ABTB2: variants seen among roughly 807,000 people sequenced by gnomAD.
ABTB2 encodes ankyrin repeat and BTB/POZ domain-containing protein 2.
Under a neutral mutation model 104.1 loss-of-function variants are expected in ABTB2, and 56 were observed. The ratio of observed to expected loss-of-function variants is 0.54; its 90% CI spans 0.43 to 0.67. The LOEUF (loss-of-function observed/expected upper bound fraction) is 0.67. ABTB2 is among the 30% of genes least tolerant of loss of function. ABTB2 has a pLI of 0.00. For synonymous variants in ABTB2, 606 were observed against 608.2 expected, an observed-to-expected ratio of 1.00 and a Z score of 0.05; for missense variants, 1,279 against 1,407.7, an observed-to-expected ratio of 0.91 and a Z score of 1.46.
chr11:34,337,433 C>T (rs1474400859), intron 1 of ABTB2, among the ~76,000 whole-genome samples: 3 of 152,240 alleles, frequency 2.0e-5, no homozygotes, highest in Non-Finnish European at 2.9e-5. Context: ...AAAGATGGCA[C>T]AAGCAGCTTT....
In ABTB2 at chr11:34,154,220, A is replaced by G; in HGVS notation, c.2880+45T>C. On this transcript the variant is annotated intron_variant, in intron 16 of 16. Coordinates refer to ENST00000435224, the MANE Select transcript of ABTB2 (RefSeq NM_145804.3). This position sits in a 1 kb window ranked among gnomAD's most constrained non-coding sequence, Gnocchi z 4.9. ...CACACGGCCGAGGCCCCCGTGGAGC[A>G]GAGCATGTGGTGGGAGGTGGCCAGC... 1.4e-6 allele frequency: 2 copies of G among 1,478,776 alleles called. No homozygotes were observed. The highest frequency in any genetic ancestry group is 4.5e-5 in the East Asian group (2 of 43,960). The allele number at this position is 1,478,776 out of a possible 1,614,324, so 91.6% of individuals were successfully genotyped here.
At chr11:34,304,068 T>C (rs1429306840) in intron 1 of ABTB2, among the ~76,000 whole-genome samples, 1 of 152,146 alleles carries the variant, frequency 6.6e-6, no homozygotes, top group African/African-American at 2.4e-5. Context: ...CTGAGTAGCA[T>C]GATGAAATAT....
chr11:34,161,076 G>A lies in ABTB2; in HGVS notation c.2224C>T (p.Pro742Ser), dbSNP rs746060353. 1 of 1,606,302 alleles carries A rather than the reference G, an allele frequency of 6.2e-7. No individual in the cohort carries two copies. Among genetic ancestry groups the A allele is most frequent in the South Asian group, 1.1e-5 (1 of 90,348 alleles). Reference sequence around the variant, plus strand: ...TCGATCCAGATGTGCAGCTTCCAGGGGACTCCTGGTCCAGGCAGGGAAGGG... The same window carrying A: ...TCGATCCAGATGTGCAGCTTCCAGGAGACTCCTGGTCCAGGCAGGGAAGGG... ...ITMELRALGV[P>S]WKLHIWIESL... The change falls in exon 11 of 17, where the codon CCC (proline) becomes TCC (serine). Residue 742 changes from proline (P) to serine (S), a missense_variant. By Grantham distance (74) the Pro-to-Ser change is moderately conservative. Transcript: ENST00000435224.
intron 1 of ABTB2, among the ~76,000 whole-genome samples, chr11:34,284,159 C>A (rs1353168674): frequency 6.6e-6 from 1 of 152,196 alleles, no homozygotes; most frequent in Non-Finnish European, 1.5e-5. Flanking sequence ...GCTGTAAGGC[C>A]CAATCCATGT....
chr11:34,348,388 G>C (rs940171220), intron 1 of ABTB2, among the ~76,000 whole-genome samples: 13 of 152,170 alleles, frequency 8.5e-5, no homozygotes, highest in African/African-American at 3.1e-4. Context: ...TTTTTCCTGT[G>C]TTATCTCCAC....
chr11:34,287,506 A>T (rs1854519591), intron 1 of ABTB2, among the ~76,000 whole-genome samples: 1 of 152,216 alleles, frequency 6.6e-6, no homozygotes, highest in Admixed American at 6.5e-5. Context: ...CTAAGAGCAC[A>T]CCAGCCTGGG....
intron 1 of ABTB2, among the ~76,000 whole-genome samples, chr11:34,267,547 T>G (rs910555266): frequency 1.3e-5 from 2 of 152,226 alleles, no homozygotes; most frequent in Non-Finnish European, 2.9e-5. Context: ...AAAAAAATCC[T>G]AGACTTTGAA....
intron 1 of ABTB2, among the ~76,000 whole-genome samples, chr11:34,212,356 C>A (rs1257854378): frequency 6.6e-6 from 1 of 152,148 alleles, no homozygotes; most frequent in Non-Finnish European, 1.5e-5. Flanking sequence ...TGCACCTGGC[C>A]AGAGAAGCAG....
intron 1 of ABTB2, among the ~76,000 whole-genome samples, chr11:34,280,230 G>T (rs1001871601): frequency 6.6e-6 from 1 of 152,120 alleles, no homozygotes; most frequent in African/African-American, 2.4e-5. Context: ...ATGGGACCTA[G>T]CGTGTGCAGG....
intron 1 of ABTB2, among the ~76,000 whole-genome samples, chr11:34,211,902 CAAAAAAAAAAA>C (rs1231324201): frequency 1.7e-5 from 1 of 58,036 alleles, no homozygotes; most frequent in Non-Finnish European, 3.5e-5. Context: ...GACCCTGTCT[CAAAAAAAAAAA>C]AAAAAAAAAA....
chr11:34,270,645 G>A (rs1854303273), intron 1 of ABTB2, among the ~76,000 whole-genome samples: 2 of 152,094 alleles, frequency 1.3e-5, no homozygotes, highest in Non-Finnish European at 2.9e-5. Context: ...CAGCCTGAGG[G>A]CTTTCCTTCC....
intron 1 of ABTB2, among the ~76,000 whole-genome samples, chr11:34,308,618 C>T (rs1854807118): frequency 6.6e-6 from 1 of 151,908 alleles, no homozygotes; most frequent in African/African-American, 2.4e-5. Flanking sequence ...ACCTGTAATC[C>T]CAGTACTTTG....
At chr11:34,197,685 C>G (rs754061040) in intron 2 of ABTB2, 147 bp from the exon 3 acceptor site, 2 of 622,790 alleles carry the variant, frequency 3.2e-6, no homozygotes, top group Non-Finnish European at 5.5e-6. Flanking sequence ...AGCCAACAGG[C>G]GGAGGTGGAA....
chr11:34,206,154 G>A (rs11032548), intron 1 of ABTB2, among the ~76,000 whole-genome samples: 1,977 of 152,226 alleles, frequency 0.013, 36 homozygotes, highest in African/African-American at 0.045. Context: ...GAGGTCAGGG[G>A]TTTGAGACCA....
chr11:34,188,831 T>C (rs1565136091), intron 3 of ABTB2, among the ~76,000 whole-genome samples: 1 of 152,196 alleles, frequency 6.6e-6, no homozygotes, highest in Non-Finnish European at 1.5e-5. Flanking sequence ...GCATGTCCTC[T>C]TTATGTAAAG....
chr11:34,205,903 C>G (rs1330688480), intron 1 of ABTB2, among the ~76,000 whole-genome samples: 1 of 152,134 alleles, frequency 6.6e-6, no homozygotes, highest in East Asian at 1.9e-4. Context: ...AACTAGAGTA[C>G]CTAGCTCACA....
intron 13 of ABTB2, 88 bp from the exon 14 acceptor site, chr11:34,159,474 T>C (rs1032326608): frequency 6.9e-6 from 6 of 863,486 alleles, no homozygotes; most frequent in Non-Finnish European, 1.2e-5. Context: ...CCTGACCGGC[T>C]ACCACAAGAC....
intron 1 of ABTB2, among the ~76,000 whole-genome samples, chr11:34,317,042 C>T (rs1854941405): frequency 6.6e-6 from 1 of 152,236 alleles, no homozygotes; most frequent in African/African-American, 2.4e-5. Flanking sequence ...CTGTTTGATT[C>T]TGCTCTGCTC....
Position 34,356,514 on chromosome 11 carries a change from A to G in ABTB2, c.883+187T>C, listed in dbSNP as rs1855465900. Among the ~76,000 whole-genome samples, 1 of 152,248 alleles carries G rather than the reference A, an allele frequency of 6.6e-6. No individual in the cohort carries two copies. The highest frequency in any genetic ancestry group is 2.1e-4 in the South Asian group (1 of 4,832). On this transcript the variant is annotated intron_variant, in intron 1 of 16. Coordinates refer to ENST00000435224, the MANE Select transcript of ABTB2 (RefSeq NM_145804.3). This position sits in a 1 kb window ranked among gnomAD's most constrained non-coding sequence, Gnocchi z 4.6. ...GAGATCATTCACAAGTTTACCCTCC[A>G]AAAGTCAGACACCCTTAGAACAATC...
Sources: allele counts gnomAD v4.1 joint callset (sites outside exome capture counted in the v4.1 genomes callset), GRCh38; gene constraint gnomAD v4.1.1; non-coding constraint Gnocchi (gnomAD v3.1); transcripts MANE v1.5; gene names NCBI Gene and HGNC (gene_info 2026-07-23, HGNC 2026-07-21).